The following ADAMTSL1 variants were observed in gnomAD, a reference collection of about 807,000 sequenced individuals.
ADAMTSL1 encodes ADAMTS-like protein 1.
ADAMTSL1 carries 126 observed loss-of-function variants against 201.8 expected under a neutral mutation model. The ratio of observed to expected loss-of-function variants is 0.62; its 90% CI spans 0.54 to 0.72. ADAMTSL1 has a LOEUF of 0.72. ADAMTSL1 is among the 30% of genes least tolerant of loss of function. The probability of loss-of-function intolerance (pLI) is 0.00; values close to 1 mark genes in which losing one functional copy is unlikely to be tolerated. For missense variants in ADAMTSL1, 2,679 were observed against 2,277.8 expected, an observed-to-expected ratio of 1.18 and a Z score of -3.59; for synonymous variants, 1,121 against 903.4, an observed-to-expected ratio of 1.24 and a Z score of -4.32.
chr9:17,990,432 A>G (rs1402147336), intron 1 of ADAMTSL1, among the ~76,000 whole-genome samples: 1 of 152,082 alleles, frequency 6.6e-6, no homozygotes, highest in African/African-American at 2.4e-5. Flanking sequence ...ACAAAATAGT[A>G]ACTAACTTAT....
At chr9:18,126,957 C>T (rs148223121) in intron 1 of ADAMTSL1, among the ~76,000 whole-genome samples, 12 of 152,224 alleles carry the variant, frequency 7.9e-5, no homozygotes, top group Admixed American at 2.0e-4. Context: ...ACCAGTATGC[C>T]TTCTGCCAGC....
intron 2 of ADAMTSL1, among the ~76,000 whole-genome samples, chr9:18,262,196 G>A (rs192169336): frequency 1.3e-5 from 2 of 152,320 alleles, no homozygotes; most frequent in African/African-American, 4.8e-5. Context: ...AGCCTGGTAA[G>A]TAACTAAATG....
At position 18,817,140 on chromosome 9, in the gene ADAMTSL1, AG is replaced by A; in HGVS notation, c.3838del (p.Val1280Ter). The A allele has an allele frequency of 6.2e-7, 1 of 1,605,206 alleles. No homozygotes were observed. Among genetic ancestry groups the A allele is most frequent in the Non-Finnish European group, 8.5e-7 (1 of 1,175,864 alleles). On this transcript the variant is annotated frameshift_variant, in exon 21 of 29. Coordinates refer to ENST00000380548, the MANE Select transcript of ADAMTSL1 (RefSeq NM_001040272.6). LOFTEE classifies it high-confidence loss of function. Reference sequence around the variant, plus strand: ...CACTAGTGAAAACGTCACGAATGACAGTGATCAACACGGAGAAGCCTGCAGT... The same window carrying A: ...CACTAGTGAAAACGTCACGAATGACATGATCAACACGGAGAAGCCTGCAGT... Reference protein sequence around the residue: ...KPLVKTSRMTVINTEKPAVTV... With the variant: ...KPLVKTSRMTXINTEKPAVTV...
chr9:17,907,969 G>A (rs1282361753), intron 1 of ADAMTSL1, among the ~76,000 whole-genome samples: 1 of 152,114 alleles, frequency 6.6e-6, no homozygotes, highest in Admixed American at 6.5e-5. Flanking sequence ...TGCTTATGGA[G>A]ACTTGTCCAA....
chr9:18,536,368 C>T (rs563523799), intron 3 of ADAMTSL1, among the ~76,000 whole-genome samples: 9 of 151,862 alleles, frequency 5.9e-5, no homozygotes, highest in East Asian at 1.9e-4. Flanking sequence ...TTTGTAGAAC[C>T]GCTACATATA....
At chr9:18,109,584 G>T (rs1357471919) in intron 1 of ADAMTSL1, among the ~76,000 whole-genome samples, 1 of 152,188 alleles carries the variant, frequency 6.6e-6, no homozygotes, top group Admixed American at 6.5e-5. Flanking sequence ...TATTCAAAGG[G>T]TATAAATAAA....
intron 1 of ADAMTSL1, among the ~76,000 whole-genome samples, chr9:18,073,518 G>C (rs1030789766): frequency 6.6e-6 from 1 of 152,192 alleles, no homozygotes; most frequent in African/African-American, 2.4e-5. Flanking sequence ...TTGGGGGATT[G>C]GTGAAGGCCT....
At chr9:18,387,268 C>T (rs1400835963) in intron 2 of ADAMTSL1, among the ~76,000 whole-genome samples, 4 of 151,964 alleles carry the variant, frequency 2.6e-5, no homozygotes, top group Non-Finnish European at 5.9e-5. Context: ...AATAGTCATA[C>T]ACAATAGTCA....
chr9:18,815,975 T>A (rs1823825238), intron 20 of ADAMTSL1, among the ~76,000 whole-genome samples: 1 of 152,194 alleles, frequency 6.6e-6, no homozygotes, highest in Non-Finnish European at 1.5e-5. Flanking sequence ...ATCCAACACT[T>A]CTTATATTTA....
chr9:18,045,460 A>G (rs949914397), intron 1 of ADAMTSL1, among the ~76,000 whole-genome samples: 3 of 152,144 alleles, frequency 2.0e-5, no homozygotes, highest in Admixed American at 2.0e-4. Flanking sequence ...AGAAAGAAAA[A>G]AATCTGTAGA....
At chr9:18,110,807 A>C (rs892604737) in intron 1 of ADAMTSL1, among the ~76,000 whole-genome samples, 2 of 152,194 alleles carry the variant, frequency 1.3e-5, no homozygotes, top group African/African-American at 4.8e-5. Context: ...CCTACTTATA[A>C]GTAATAGTTA....
At chr9:18,448,742 A>C (rs192530247) in intron 2 of ADAMTSL1, among the ~76,000 whole-genome samples, 6 of 152,232 alleles carry the variant, frequency 3.9e-5, no homozygotes, top group Admixed American at 1.3e-4. Context: ...TTATGATTGA[A>C]AGTTTTCCTC....
intron 20 of ADAMTSL1, among the ~76,000 whole-genome samples, chr9:18,815,730 AAAAAAG>A (rs1823804498): frequency 6.6e-6 from 1 of 150,920 alleles, no homozygotes; most frequent in Non-Finnish European, 1.5e-5. Context: ...AAAAAAAAAA[AAAAAAG>A]AGAAAAAAAA....
chr9:18,593,646 C>T (rs1451777280), intron 4 of ADAMTSL1, among the ~76,000 whole-genome samples: 1 of 151,978 alleles, frequency 6.6e-6, no homozygotes, highest in African/African-American at 2.4e-5. Flanking sequence ...CAATTTTCTT[C>T]TTAATGTATT....
intron 2 of ADAMTSL1, among the ~76,000 whole-genome samples, chr9:18,198,784 A>G (rs1829297985): frequency 7.4e-6 from 1 of 134,290 alleles, no homozygotes; most frequent in Non-Finnish European, 1.6e-5. Flanking sequence ...ACTATAAATC[A>G]TGCTGCTATA....
At chr9:18,380,036 T>C (rs937549091) in intron 2 of ADAMTSL1, among the ~76,000 whole-genome samples, 2 of 152,242 alleles carry the variant, frequency 1.3e-5, no homozygotes, top group African/African-American at 4.8e-5. Context: ...ACTATTTGCC[T>C]ACTTTCCCAT....
chr9:18,630,186 GTC>G (rs1325398477), intron 5 of ADAMTSL1, among the ~76,000 whole-genome samples: 22 of 152,230 alleles, frequency 1.4e-4, no homozygotes, highest in Admixed American at 9.8e-4. Flanking sequence ...GCCATGTTTG[GTC>G]TAGAGCTAAT....
intron 21 of ADAMTSL1, 132 bp from the exon 22 acceptor site, chr9:18,826,152 A>C: frequency 9.3e-7 from 1 of 1,077,568 alleles, no homozygotes. Flanking sequence ...AATCTGGCCA[A>C]AGCCTGGTAG....
Position 18,777,779 on chromosome 9 carries a change from C to A in ADAMTSL1, c.3550C>A (p.His1184Asn), listed in dbSNP as rs372388296. The A allele has an allele frequency of 1.1e-5, 17 of 1,613,656 alleles. No individual in the cohort carries two copies. The highest frequency in any genetic ancestry group is 1.2e-5 in the Non-Finnish European group (14 of 1,179,846). ...GCTCTCAGCCTCGGAGGTGGTCACC[C>A]ACCTGGGGCAGACGGTGGCCCTGGC... is the stretch of plus-strand genomic sequence containing the variant. ...QQLSASEVVT[H>N]LGQTVALASG... Residue 1184 changes from histidine to asparagine, a missense_variant, in exon 19 of 29, where the codon CAC becomes AAC. By Grantham distance (68) the His-to-Asn change is moderately conservative. Transcript: ENST00000380548.
Sources: gnomAD v4.1 joint callset for allele counts (sites outside exome capture counted in the v4.1 genomes callset) on GRCh38, gnomAD v4.1.1 for gene constraint, MANE v1.5 for transcripts, NCBI Gene and HGNC (gene_info 2026-07-23, HGNC 2026-07-21) for gene names.